Variants in TEC observed in about 807,000 individuals in gnomAD.
TEC encodes the protein tec protein tyrosine kinase, also known as tyrosine-protein kinase Tec.
In TEC, 72 loss-of-function variants were observed where a neutral mutation model predicts 93.0. That is an observed-to-expected ratio of 0.77 (90% CI 0.64 to 0.94). The LOEUF (loss-of-function observed/expected upper bound fraction) is 0.94, where lower values mean the gene tolerates loss of function less well. Ranked by LOEUF, TEC falls within the 40% of genes least tolerant of loss-of-function variation. The pLI, the probability that TEC is intolerant of heterozygous loss-of-function variation, is 0.00. For missense variants in TEC, 630 were observed against 757.9 expected (o/e 0.83, Z 1.98); for synonymous variants, 249 against 247.7 (o/e 1.01, Z -0.05).
At chr4:48,222,375 A>T (rs1328414073) in intron 2 of TEC, among the ~76,000 whole-genome samples, 1 of 152,216 alleles carries the variant, frequency 6.6e-6, no homozygotes, top group Non-Finnish European at 1.5e-5. Flanking sequence ...TGAAAGATGA[A>T]GATCCAGGAA....
rs568379149 is a variant in TEC at position 48,143,497 on chromosome 4, A to G, written c.1470+1582T>C. 2.0e-5 allele frequency among the ~76,000 whole-genome samples: 3 copies of G among 152,346 alleles called. No individual in the cohort carries two copies. In the South Asian group the frequency reaches 6.2e-4, roughly 32 times the overall value. On this transcript the variant is annotated intron_variant, in intron 14 of 17. Coordinates refer to ENST00000381501, the MANE Select transcript of TEC (RefSeq NM_003215.3). ...AACAATAACTGATGTTATCTACAGC[A>G]TGTCTATTTTACAAAGCCCATTGCC...
At chr4:48,168,522 CA>C in intron 6 of TEC, 63 bp downstream of exon 6, 1 of 1,557,940 alleles carries the variant, frequency 6.4e-7, no homozygotes, top group South Asian at 1.1e-5. Context: ...CAAACACTAC[CA>C]AAACTTAAGA....
intron 7 of TEC, among the ~76,000 whole-genome samples, chr4:48,165,640 C>T (rs1486789238): frequency 6.6e-6 from 1 of 152,154 alleles, no homozygotes; most frequent in East Asian, 1.9e-4. Flanking sequence ...GCTCTACTCG[C>T]CAGTTCACAA....
chr4:48,210,269 G>T (rs769922783), intron 2 of TEC, among the ~76,000 whole-genome samples: 1 of 152,052 alleles, frequency 6.6e-6, no homozygotes, highest in African/African-American at 2.4e-5. Flanking sequence ...GATCCCTTGA[G>T]GCCAGAAGTT....
intron 1 of TEC, among the ~76,000 whole-genome samples, chr4:48,269,310 ATATC>A (rs1724721075): frequency 2.0e-5 from 3 of 152,224 alleles, no homozygotes. Flanking sequence ...TACATTAGGT[ATATC>A]TATCTCGACA....
At chr4:48,183,415 T>C (rs991620049) in intron 2 of TEC, among the ~76,000 whole-genome samples, 11 of 152,220 alleles carry the variant, frequency 7.2e-5, no homozygotes, top group African/African-American at 4.8e-5. Context: ...AAGGTGTTCC[T>C]GGAAGAGATT....
intron 2 of TEC, among the ~76,000 whole-genome samples, chr4:48,192,620 A>C (rs1425117858): frequency 1.3e-5 from 2 of 152,150 alleles, no homozygotes; most frequent in African/African-American, 2.4e-5. Flanking sequence ...CTAAATCATA[A>C]GCTTAAAACT....
At position 48,184,560 on chromosome 4, in the gene TEC, T is replaced by A. The variant is rs189158314; in HGVS notation, c.139-8374A>T. Among the ~76,000 whole-genome samples the A allele has an allele frequency of 1.6e-4, 24 of 152,264 alleles. No homozygotes were observed. In the East Asian group the frequency reaches 1.7e-3, roughly 11 times the overall value. ...ACATGACACCCTCTCCCACCTCTTT[T>A]CTCAATTCAATTATAAAGAACCTCT... On this transcript the variant is annotated intron_variant, in intron 2 of 17. Coordinates refer to ENST00000381501, the MANE Select transcript of TEC (RefSeq NM_003215.3).
chr4:48,179,104 C>A (rs1487835639), intron 2 of TEC, among the ~76,000 whole-genome samples: 2 of 151,936 alleles, frequency 1.3e-5, no homozygotes, highest in East Asian at 3.9e-4. Flanking sequence ...CACAGGACAA[C>A]ACCTGTCATG....
At chr4:48,241,635 T>C (rs1345939013) in intron 1 of TEC, among the ~76,000 whole-genome samples, 2 of 152,170 alleles carry the variant, frequency 1.3e-5, no homozygotes, top group Non-Finnish European at 2.9e-5. Flanking sequence ...TGTGCACTAA[T>C]TCTTAACCTC....
At chr4:48,219,431 C>T (rs927858663) in intron 2 of TEC, among the ~76,000 whole-genome samples, 3 of 152,230 alleles carry the variant, frequency 2.0e-5, no homozygotes, top group African/African-American at 7.2e-5. Flanking sequence ...GAGGCCTAAA[C>T]CCCTCCCTGT....
chr4:48,206,494 T>C (rs572056031), intron 2 of TEC, among the ~76,000 whole-genome samples: 1 of 152,298 alleles, frequency 6.6e-6, no homozygotes, highest in Admixed American at 6.5e-5. Context: ...AAACAAAATG[T>C]AGAAATAGGT....
chr4:48,177,462 C>G (rs1253183599), intron 2 of TEC, among the ~76,000 whole-genome samples: 1 of 152,308 alleles, frequency 6.6e-6, no homozygotes, highest in East Asian at 1.9e-4. Flanking sequence ...AACCCCAGCT[C>G]TAGCCACAAG....
intron 1 of TEC, among the ~76,000 whole-genome samples, chr4:48,231,987 G>GA (rs201154539): frequency 9.9e-5 from 15 of 151,826 alleles, no homozygotes; most frequent in East Asian, 7.8e-4. Flanking sequence ...ATGTCCTGGG[G>GA]AAAAAAAATC....
intron 1 of TEC, among the ~76,000 whole-genome samples, chr4:48,265,445 G>GTA (rs1560430014): frequency 9.9e-5 from 2 of 20,300 alleles, no homozygotes; most frequent in Non-Finnish European, 4.7e-4. Context: ...ACATATATAC[G>GTA]TATATATATA....
chr4:48,227,188 A>G (rs1723494600), intron 2 of TEC, among the ~76,000 whole-genome samples: 2 of 152,196 alleles, frequency 1.3e-5, no homozygotes, highest in Admixed American at 1.3e-4. Context: ...ACAGGTCACA[A>G]TGACGAGCCA....
intron 1 of TEC, among the ~76,000 whole-genome samples, chr4:48,259,812 C>A (rs1724449985): frequency 6.6e-6 from 1 of 152,006 alleles, no homozygotes. Context: ...ATGCAAAATT[C>A]TCTAACATTG....
chr4:48,231,151 T>C (rs994093516), intron 1 of TEC, among the ~76,000 whole-genome samples: 2 of 152,192 alleles, frequency 1.3e-5, no homozygotes, highest in African/African-American at 4.8e-5. Flanking sequence ...CATGTACTGA[T>C]AGAATTGAGA....
chr4:48,185,039 T>C (rs1364658109), intron 2 of TEC, among the ~76,000 whole-genome samples: 1 of 150,460 alleles, frequency 6.6e-6, no homozygotes, highest in East Asian at 2.0e-4. Flanking sequence ...AGTACCATAA[T>C]AGAGACTTGA....
Sources: allele counts gnomAD v4.1 joint callset (sites outside exome capture counted in the v4.1 genomes callset), GRCh38; gene constraint gnomAD v4.1.1; transcripts MANE v1.5; gene names NCBI Gene and HGNC (gene_info 2026-07-23, HGNC 2026-07-21).